Variants in SORCS2 observed in about 807,000 individuals in gnomAD.
The protein encoded by SORCS2 is sortilin related VPS10 domain containing receptor 2.
SORCS2 carries 100 observed loss-of-function variants against 141.6 expected under a neutral mutation model. The observed-to-expected ratio is 0.71, with a 90% CI of 0.60 to 0.83. The LOEUF is 0.83. Among genes scored for constraint, SORCS2 ranks in the 40% least tolerant of loss-of-function variants. The probability of loss-of-function intolerance (pLI) is 0.00; values close to 1 mark genes in which losing one functional copy is unlikely to be tolerated. For missense variants in SORCS2, 1,646 were observed against 1,560.2 expected, an observed-to-expected ratio of 1.05 and a Z score of -0.93; for synonymous variants, 789 against 676.9, an observed-to-expected ratio of 1.17 and a Z score of -2.57.
chr4:7,500,716 C>T (rs1307377828), intron 2 of SORCS2, among the ~76,000 whole-genome samples: 4 of 152,124 alleles, frequency 2.6e-5, no homozygotes, highest in Non-Finnish European at 4.4e-5. Context: ...TTTTACATCG[C>T]ACGTCGTCCA....
intron 16 of SORCS2, among the ~76,000 whole-genome samples, chr4:7,714,861 T>C (rs1006120089): frequency 6.6e-6 from 1 of 152,070 alleles, no homozygotes; most frequent in Admixed American, 6.5e-5. Context: ...CCTGTACTGG[T>C]GCTGCTCAGG....
intron 1 of SORCS2, among the ~76,000 whole-genome samples, chr4:7,367,161 T>C (rs1201095463): frequency 1.3e-5 from 2 of 152,056 alleles, no homozygotes; most frequent in African/African-American, 2.4e-5. Context: ...TTAACAGAAG[T>C]ATAGGGTCTG....
intron 1 of SORCS2, among the ~76,000 whole-genome samples, chr4:7,311,394 C>T (rs1319406081): frequency 1.3e-5 from 2 of 152,182 alleles, no homozygotes; most frequent in East Asian, 3.8e-4. Flanking sequence ...TACGAGCTTT[C>T]GTGGAGACAC....
chr4:7,591,433 AG>A (rs1403114527), intron 3 of SORCS2, among the ~76,000 whole-genome samples: 3 of 152,138 alleles, frequency 2.0e-5, no homozygotes, highest in Non-Finnish European at 4.4e-5. Flanking sequence ...CAGGCCATCC[AG>A]GGTGGACCAA....
chr4:7,573,261 A>G (rs1033573263), intron 3 of SORCS2, among the ~76,000 whole-genome samples: 1 of 152,160 alleles, frequency 6.6e-6, no homozygotes, highest in Non-Finnish European at 1.5e-5. Flanking sequence ...TATCCAACTC[A>G]TTTCAAAAGT....
chr4:7,566,570 C>T (rs138753701), intron 3 of SORCS2, among the ~76,000 whole-genome samples: 1 of 152,374 alleles, frequency 6.6e-6, no homozygotes, highest in African/African-American at 2.4e-5. Flanking sequence ...CAGTGACAAG[C>T]AAAACCCCAA....
chr4:7,239,074 CTT>C (rs1229135759), intron 1 of SORCS2, among the ~76,000 whole-genome samples: 1 of 152,266 alleles, frequency 6.6e-6, no homozygotes, highest in Non-Finnish European at 1.5e-5. Flanking sequence ...CCCCCGTCCT[CTT>C]GGCCTCTGTG....
At chr4:7,461,954 T>A (rs1729340683) in intron 2 of SORCS2, among the ~76,000 whole-genome samples, 5 of 151,822 alleles carry the variant, frequency 3.3e-5, no homozygotes, top group African/African-American at 1.2e-4. Flanking sequence ...GCCTCTGCTG[T>A]CCCACGGCAG....
chr4:7,336,973 G>A (rs566768535), intron 1 of SORCS2, among the ~76,000 whole-genome samples: 24 of 152,188 alleles, frequency 1.6e-4, no homozygotes, highest in Admixed American at 3.9e-4. Flanking sequence ...TCCTTTCAGC[G>A]CGGTGGTGAG....
intron 3 of SORCS2, among the ~76,000 whole-genome samples, chr4:7,624,198 A>AC (rs68144042): frequency 0.29 from 43,875 of 152,040 alleles, 7,057 homozygotes; most frequent in East Asian, 0.6. Context: ...AGCTGCTATC[A>AC]CTGCAGACCC....
At chr4:7,626,827 T>C (rs931364415) in intron 3 of SORCS2, among the ~76,000 whole-genome samples, 3 of 152,146 alleles carry the variant, frequency 2.0e-5, no homozygotes, top group African/African-American at 7.2e-5. Context: ...TAACCCAACA[T>C]GTAATACAGT....
chr4:7,451,299 G>A (rs1433778490), intron 2 of SORCS2, among the ~76,000 whole-genome samples: 3 of 152,254 alleles, frequency 2.0e-5, no homozygotes, highest in Admixed American at 6.5e-5. Context: ...AGCAGCGGCA[G>A]TGGGGCCTGG....
intron 8 of SORCS2, among the ~76,000 whole-genome samples, chr4:7,673,442 C>T (rs978296906): frequency 3.3e-5 from 5 of 152,138 alleles, no homozygotes; most frequent in East Asian, 3.9e-4. Flanking sequence ...GAATATGGCC[C>T]GTCCACAAAA....
At chr4:7,368,159 C>T (rs1388783087) in intron 1 of SORCS2, among the ~76,000 whole-genome samples, 1 of 152,188 alleles carries the variant, frequency 6.6e-6, no homozygotes, top group Non-Finnish European at 1.5e-5. Context: ...GAATCCTGTT[C>T]CAAAACCGGG....
In SORCS2 at chr4:7,703,785, G is replaced by A. The variant is rs768294822; in HGVS notation, c.1761-392G>A. On this transcript the variant is annotated intron_variant, in intron 13 of 26. Coordinates refer to ENST00000507866, the MANE Select transcript of SORCS2 (RefSeq NM_020777.3). The stretch of plus-strand genomic sequence containing the variant: ...CAGGCGTGAACTCGGGACCCAGAAG[G>A]CACAGCCGGAGCAGCTGCCAGGAAG... 3.6e-4 allele frequency among the ~76,000 whole-genome samples: 55 copies of A among 152,200 alleles called. 1 individual carries two copies. The highest frequency in any genetic ancestry group is 9.8e-4 in the Admixed American group (15 of 15,286).
intron 3 of SORCS2, among the ~76,000 whole-genome samples, chr4:7,600,646 C>CATAT (rs149420456): frequency 5.3e-5 from 6 of 113,896 alleles, no homozygotes; most frequent in African/African-American, 2.2e-4. Flanking sequence ...TTACGATATA[C>CATAT]ATATATATAT....
intron 3 of SORCS2, among the ~76,000 whole-genome samples, chr4:7,563,552 C>T (rs1714752098): frequency 6.6e-6 from 1 of 152,150 alleles, no homozygotes; most frequent in African/African-American, 2.4e-5. Context: ...GAGAGGAGTG[C>T]CATCTCAGAA....
chr4:7,663,382 G>A lies in SORCS2; in HGVS notation c.953-971G>A, dbSNP rs1205132804. Among the ~76,000 whole-genome samples, 2 of 152,234 alleles carry A rather than the reference G, an allele frequency of 1.3e-5. No homozygotes were observed. Among genetic ancestry groups the A allele is most frequent in the Non-Finnish European group, 2.9e-5 (2 of 68,044 alleles). On this transcript the variant is annotated intron_variant, in intron 6 of 26. Transcript: ENST00000507866. This position sits in a 1 kb window ranked among gnomAD's most constrained non-coding sequence, Gnocchi z 4.8. Reference sequence around the variant, plus strand: ...AGTCAGTAGACTGTTGACTGATCCTGCCCCTGAGCTAGTCATTTCACTGCA... The same window carrying A: ...AGTCAGTAGACTGTTGACTGATCCTACCCCTGAGCTAGTCATTTCACTGCA...
chr4:7,688,797 C>T (rs577195083), intron 10 of SORCS2, among the ~76,000 whole-genome samples: 1 of 152,170 alleles, frequency 6.6e-6, no homozygotes, highest in African/African-American at 2.4e-5. Flanking sequence ...TCGTGGTGCA[C>T]CCAAGGAGGG....
Sources: allele counts gnomAD v4.1 joint callset (sites outside exome capture counted in the v4.1 genomes callset), GRCh38; gene constraint gnomAD v4.1.1; non-coding constraint Gnocchi (gnomAD v3.1); transcripts MANE v1.5; gene names NCBI Gene and HGNC (gene_info 2026-07-23, HGNC 2026-07-21).